Variants in DCAF5 observed in about 807,000 individuals in gnomAD.
DCAF5 encodes DDB1 and CUL4 associated factor 5, also known as DDB1- and CUL4-associated factor 5.
DCAF5 carries 9 observed loss-of-function variants against 80.7 expected under a neutral mutation model. The observed-to-expected ratio is 0.11, with a 90% confidence interval of 0.07 to 0.19. DCAF5 has a LOEUF of 0.19. Ranked by LOEUF, DCAF5 falls within the 10% of genes least tolerant of loss-of-function variation. The pLI, the probability that DCAF5 is intolerant of heterozygous loss-of-function variation, is 1.00. For missense variants in DCAF5, 842 were observed against 1,205.7 expected (o/e 0.70, Z 4.47); for synonymous variants, 433 against 461.9 (o/e 0.94, Z 0.80).
intron 5 of DCAF5, among the ~76,000 whole-genome samples, chr14:69,114,141 G>A (rs879377820): frequency 3.3e-5 from 5 of 152,206 alleles, no homozygotes; most frequent in Admixed American, 2.0e-4. Flanking sequence ...AGATTTGTAA[G>A]TTAGTACAGC....
intron 3 of DCAF5, 136 bp downstream of exon 3, chr14:69,119,058 A>AT (rs1341338245): frequency 1.5e-5 from 12 of 783,388 alleles, no homozygotes; most frequent in Middle Eastern, 5.2e-4. Flanking sequence ...TATTGTAGGA[A>AT]TTTTTTTAGA....
At chr14:69,058,328 G>C (rs2038058084) in intron 8 of DCAF5, among the ~76,000 whole-genome samples, 1 of 151,900 alleles carries the variant, frequency 6.6e-6, no homozygotes, top group African/African-American at 2.4e-5. Flanking sequence ...AGACCAGCCT[G>C]GCCAACGTGG....
chr14:69,077,145 C>T (rs1036642538), intron 6 of DCAF5, among the ~76,000 whole-genome samples: 7 of 152,326 alleles, frequency 4.6e-5, no homozygotes, highest in Admixed American at 2.0e-4. Context: ...AGCATTACTT[C>T]GTCCTGTCTT....
At position 69,116,959 on chromosome 14, in the gene DCAF5, G is replaced by T. The variant is rs138921999; in HGVS notation, c.536-464C>A. 6.0e-3 allele frequency among the ~76,000 whole-genome samples: 912 copies of T among 152,238 alleles called. 11 individuals carry two copies. Among genetic ancestry groups the T allele is most frequent in the African/African-American group, 0.02 (848 of 41,542 alleles). Reference sequence around the variant, plus strand: ...AAAAAAACAATGACAAAATTAAGACGTGGTGAAACACAATGGTGTGGTTTT... The same window carrying T: ...AAAAAAACAATGACAAAATTAAGACTTGGTGAAACACAATGGTGTGGTTTT... On this transcript the variant is annotated intron_variant, in intron 4 of 8. Coordinates refer to ENST00000341516, the MANE Select transcript of DCAF5 (RefSeq NM_003861.3).
intron 6 of DCAF5, chr14:69,083,530 G>A (rs1350315011): frequency 2.8e-6 from 1 of 361,012 alleles, no homozygotes; most frequent in Non-Finnish European, 5.3e-6. Flanking sequence ...AGATGTGTCT[G>A]AAGAAACAAC....
At chr14:69,115,909 T>G (rs2040530209) in intron 5 of DCAF5, among the ~76,000 whole-genome samples, 1 of 152,218 alleles carries the variant, frequency 6.6e-6, no homozygotes, top group Non-Finnish European at 1.5e-5. Context: ...CATATAATTT[T>G]GGCAGTTCAG....
Position 69,153,061 on chromosome 14 carries a change from C to T in DCAF5, c.-83G>A, listed in dbSNP as rs941446245. 12 of 1,108,012 alleles carry T rather than the reference C, an allele frequency of 1.1e-5. No homozygotes were observed. The highest frequency in any genetic ancestry group is 1.4e-5 in the Non-Finnish European group (12 of 831,274). 68.6% of individuals were successfully genotyped at this position (1,108,012 alleles called of 1,614,324 possible). Reference sequence around the variant, plus strand: ...GCCGCTGCTCCCCCCACCCGGCCCTCCCCCCGCGCTGCGATCCGGATGGTT... The same window carrying T: ...GCCGCTGCTCCCCCCACCCGGCCCTTCCCCCGCGCTGCGATCCGGATGGTT... On this transcript the variant is annotated 5_prime_UTR_variant, in exon 1 of 9. Coordinates refer to ENST00000341516, the MANE Select transcript of DCAF5 (RefSeq NM_003861.3).
At chr14:69,143,620 C>T (rs1234228232) in intron 1 of DCAF5, among the ~76,000 whole-genome samples, 1 of 134,464 alleles carries the variant, frequency 7.4e-6, no homozygotes, top group Non-Finnish European at 1.5e-5. Context: ...CGAGGCATTC[C>T]TTAATTTGGT....
At chr14:69,076,286 T>C (rs1594953021) in intron 6 of DCAF5, among the ~76,000 whole-genome samples, 1 of 152,322 alleles carries the variant, frequency 6.6e-6, no homozygotes, top group South Asian at 2.1e-4. Flanking sequence ...ATTACAATCC[T>C]AGGTATATAT....
chr14:69,083,914 T>C (rs1340105687), intron 6 of DCAF5: 1 of 778,814 alleles, frequency 1.3e-6, no homozygotes, highest in African/African-American at 1.7e-5. Flanking sequence ...GGATACTTCA[T>C]TTGCTTCTTA....
chr14:69,139,919 A>T lies in DCAF5; in HGVS notation c.214+12846T>A, dbSNP rs546795111. Among the ~76,000 whole-genome samples the T allele has an allele frequency of 2.7e-5, 4 of 150,822 alleles. No homozygotes were observed. In the East Asian group the frequency reaches 7.8e-4, roughly 30 times the overall value. The stretch of plus-strand genomic sequence containing the variant: ...AAGAAAGGAGAAAGAAAGAGAAGGA[A>T]GGAAAGAAGGAAGGGAGGGAGAGAA... On this transcript the variant is annotated intron_variant, in intron 1 of 8. Coordinates refer to ENST00000341516, the MANE Select transcript of DCAF5 (RefSeq NM_003861.3).
rs552468850 is a variant in DCAF5 at position 69,053,843 on chromosome 14, T to C, written c.*14A>G. The C allele has an allele frequency of 1.0e-4, 163 of 1,574,024 alleles. 2 individuals are homozygous for C. In the South Asian group the frequency reaches 1.7e-3, roughly 16 times the overall value. On this transcript the variant is annotated 3_prime_UTR_variant, in exon 9 of 9. Coordinates refer to ENST00000341516, the MANE Select transcript of DCAF5 (RefSeq NM_003861.3). ...AGGCTACTTTTGTAGCTTTTTGTTT[T>C]CCCTTTGTATTTATCATGTTTTTAA...
intron 5 of DCAF5, among the ~76,000 whole-genome samples, chr14:69,094,977 C>T (rs2039652763): frequency 6.6e-6 from 1 of 152,104 alleles, no homozygotes; most frequent in South Asian, 2.1e-4. Context: ...GGAGAGAAAA[C>T]AAGGCAGAGA....
intron 6 of DCAF5, chr14:69,084,489 T>C (rs2039241319): frequency 6.4e-6 from 5 of 784,598 alleles, no homozygotes; most frequent in South Asian, 2.9e-5. Flanking sequence ...ACTTGAAAAG[T>C]TGAAGGCCCG....
chr14:69,127,340 A>T (rs1034795427), intron 1 of DCAF5, among the ~76,000 whole-genome samples: 1 of 152,232 alleles, frequency 6.6e-6, no homozygotes, highest in Admixed American at 6.5e-5. Flanking sequence ...CAGTGAAAAG[A>T]CGTGGAGAAA....
chr14:69,059,192 G>A (rs566248326), intron 8 of DCAF5, among the ~76,000 whole-genome samples: 5 of 151,998 alleles, frequency 3.3e-5, no homozygotes, highest in African/African-American at 9.7e-5. Flanking sequence ...CCAAGTGATC[G>A]TCCCACCTCA....
chr14:69,135,991 A>C (rs189304982), intron 1 of DCAF5, among the ~76,000 whole-genome samples: 2 of 152,294 alleles, frequency 1.3e-5, no homozygotes, highest in Admixed American at 1.3e-4. Context: ...ATGGTTTTAT[A>C]TTCTACATTG....
At chr14:69,095,508 G>C (rs1241963070) in intron 5 of DCAF5, among the ~76,000 whole-genome samples, 1 of 151,778 alleles carries the variant, frequency 6.6e-6, no homozygotes, top group Non-Finnish European at 1.5e-5. Flanking sequence ...CACAAATGTG[G>C]TCTCCTGTGG....
At chr14:69,079,061 T>C (rs1428024668) in intron 6 of DCAF5, among the ~76,000 whole-genome samples, 1 of 146,294 alleles carries the variant, frequency 6.8e-6, no homozygotes, top group East Asian at 1.9e-4. Flanking sequence ...ATCAACTTCA[T>C]GTGGAATTCC....
Sources: gnomAD v4.1 joint callset for allele counts (sites outside exome capture counted in the v4.1 genomes callset) on GRCh38, gnomAD v4.1.1 for gene constraint, MANE v1.5 for transcripts, NCBI Gene and HGNC (gene_info 2026-07-23, HGNC 2026-07-21) for gene names.